Variants in PAN3 observed in about 807,000 individuals in gnomAD.
PAN3 encodes the protein PAN2-PAN3 deadenylation complex subunit PAN3.
In PAN3, 19 loss-of-function variants were observed where a neutral mutation model predicts 96.2. The observed-to-expected ratio is 0.20, with a 90% confidence interval of 0.14 to 0.29. The LOEUF is 0.29. Among genes scored for constraint, PAN3 ranks in the 10% least tolerant of loss-of-function variants. The pLI is 1.00. For synonymous variants in PAN3, 433 were observed against 406.6 expected, an observed-to-expected ratio of 1.06 and a Z score of -0.78; for missense variants, 882 against 1,108.1, an observed-to-expected ratio of 0.80 and a Z score of 2.90.
At chr13:28,185,360 C>G (rs1016880800) in intron 4 of PAN3, among the ~76,000 whole-genome samples, 2 of 152,038 alleles carry the variant, frequency 1.3e-5, no homozygotes, top group African/African-American at 4.8e-5. Flanking sequence ...AAAGAGTATT[C>G]GTGGTTGAGT....
chr13:28,237,655 T>C (rs1386122186), intron 6 of PAN3, among the ~76,000 whole-genome samples: 1 of 152,210 alleles, frequency 6.6e-6, no homozygotes. Context: ...TAGTATTTTA[T>C]TGAATATAAT....
intron 6 of PAN3, among the ~76,000 whole-genome samples, chr13:28,243,458 C>T (rs2138513705): frequency 6.6e-6 from 1 of 152,238 alleles, no homozygotes; most frequent in Middle Eastern, 3.4e-3. Context: ...TGTCTGTCTT[C>T]ATTTGAATTA....
chr13:28,138,928 G>A lies in PAN3; in HGVS notation c.271G>A (p.Ala91Thr). The A allele has an allele frequency of 7.4e-7, 1 of 1,358,678 alleles. No individual in the cohort carries two copies. The allele number at this position is 1,358,678 out of a possible 1,614,324, so 84.2% of individuals were successfully genotyped here. Reference sequence around the variant, plus strand: ...TAGCAACAGCGTCCCCCTGGCTCTGGCTGGTGCACCCGTGGCCGGCTTTCC... The same window carrying A: ...TAGCAACAGCGTCCCCCTGGCTCTGACTGGTGCACCCGTGGCCGGCTTTCC... ...LHSNSVPLALAGAPVAGFPPG... is the reference protein window; with the variant it reads ...LHSNSVPLALTGAPVAGFPPG... The change falls in exon 1 of 19, where the codon GCT becomes ACT. Residue 91 changes from alanine (A) to threonine (T), a missense_variant. Physicochemically the swap from Ala to Thr is moderately conservative, Grantham distance 58. Around this residue, in one of 3 missense-constraint regions of PAN3, gnomAD observed 442 missense variants for 422.8 expected, o/e 1.05. Transcript: ENST00000380958.
chr13:28,255,683 G>A (rs986871004), intron 6 of PAN3, among the ~76,000 whole-genome samples: 3 of 151,656 alleles, frequency 2.0e-5, no homozygotes, highest in African/African-American at 4.8e-5. Flanking sequence ...TGACAAAAAG[G>A]CATCAAAACA....
intron 5 of PAN3, among the ~76,000 whole-genome samples, chr13:28,203,928 C>A (rs777990001): frequency 1.3e-5 from 2 of 151,558 alleles, no homozygotes; most frequent in Non-Finnish European, 2.9e-5. Flanking sequence ...TTCAGCCTCC[C>A]GAGTAGCTGG....
chr13:28,257,291 G>A (rs1885223275), intron 7 of PAN3, among the ~76,000 whole-genome samples: 1 of 152,138 alleles, frequency 6.6e-6, no homozygotes, highest in African/African-American at 2.4e-5. Context: ...AATGAATGGG[G>A]AAGGAGAGGG....
At chr13:28,262,059 C>G (rs1324838918) in intron 9 of PAN3, among the ~76,000 whole-genome samples, 1 of 152,120 alleles carries the variant, frequency 6.6e-6, no homozygotes, top group African/African-American at 2.4e-5. Flanking sequence ...ATTTGTGAGA[C>G]TACTGTGTGC....
At chr13:28,161,798 T>C (rs1278420480) in intron 1 of PAN3, among the ~76,000 whole-genome samples, 1 of 152,236 alleles carries the variant, frequency 6.6e-6, no homozygotes, top group Non-Finnish European at 1.5e-5. Context: ...AGTTTGACTT[T>C]TTCCTTGGTT....
At chr13:28,205,359 T>C (rs932795731) in intron 5 of PAN3, among the ~76,000 whole-genome samples, 18 of 152,164 alleles carry the variant, frequency 1.2e-4, no homozygotes, top group Admixed American at 1.2e-3. Flanking sequence ...TGTTCACACA[T>C]CTCACCCTGG....
Position 28,288,107 on chromosome 13 carries a change from T to G in PAN3, c.2508T>G (p.Ile836Met). The G allele has an allele frequency of 6.2e-7, 1 of 1,603,932 alleles. No individual in the cohort carries two copies. The highest frequency in any genetic ancestry group is 1.1e-5 in the South Asian group (1 of 88,702). The change falls in exon 18 of 19, where the codon ATT (isoleucine) becomes ATG (methionine). Residue 836 changes from isoleucine (I) to methionine (M), a missense_variant. Ile to Met is a conservative substitution (Grantham distance 10). Coordinates refer to ENST00000380958, the MANE Select transcript of PAN3 (RefSeq NM_175854.8). ...CCTGGATTGACCTCAGTCATATAAT[T>G]TCTTGTCTTAACAAGGTAATTTGTA... ...GAPWIDLSHI[I>M]SCLNKLDAGV...
intron 6 of PAN3, among the ~76,000 whole-genome samples, chr13:28,246,882 G>C (rs146099934): frequency 2.0e-5 from 3 of 152,204 alleles, no homozygotes; most frequent in Non-Finnish European, 4.4e-5. Flanking sequence ...TGCAATAAAC[G>C]TGGGAATGTA....
intron 6 of PAN3, among the ~76,000 whole-genome samples, chr13:28,224,877 T>TGA (rs1356685211): frequency 2.6e-5 from 4 of 152,208 alleles, no homozygotes; most frequent in African/African-American, 7.2e-5. Flanking sequence ...CTCCTCAGTC[T>TGA]TTCAAAGTGC....
At chr13:28,194,220 C>T (rs1300590092) in intron 4 of PAN3, among the ~76,000 whole-genome samples, 5 of 150,640 alleles carry the variant, frequency 3.3e-5, no homozygotes, top group African/African-American at 4.9e-5. Flanking sequence ...ATCTGAATTA[C>T]GGAAGACCTT....
chr13:28,240,101 T>C (rs933351093), intron 6 of PAN3: 1 of 152,396 alleles, frequency 6.6e-6, no homozygotes, highest in African/African-American at 2.4e-5. Context: ...GTAGTAAATA[T>C]TTTGCTAGTT....
chr13:28,157,866 A>G (rs924849488), intron 1 of PAN3, among the ~76,000 whole-genome samples: 3 of 152,226 alleles, frequency 2.0e-5, no homozygotes, highest in African/African-American at 7.2e-5. Context: ...TGAAATTCAT[A>G]TGGAACCAAA....
intron 1 of PAN3, among the ~76,000 whole-genome samples, chr13:28,156,918 C>G (rs1872241965): frequency 1.5e-5 from 2 of 137,564 alleles, no homozygotes; most frequent in African/African-American, 5.5e-5. Context: ...TGGCTTGGGC[C>G]TGGGAGGCAG....
At chr13:28,252,267 G>GTTCATA (rs1884803050) in intron 6 of PAN3, among the ~76,000 whole-genome samples, 1 of 139,368 alleles carries the variant, frequency 7.2e-6, no homozygotes, top group Non-Finnish European at 1.5e-5. Flanking sequence ...AGTTCTGTGT[G>GTTCATA]TTCATAACAT....
chr13:28,148,525 A>G (rs976977588), intron 1 of PAN3, among the ~76,000 whole-genome samples: 5 of 152,220 alleles, frequency 3.3e-5, no homozygotes, highest in African/African-American at 1.2e-4. Flanking sequence ...TAGAAATGTA[A>G]TACATGCACA....
chr13:28,217,038 C>G (rs534943017), intron 5 of PAN3, among the ~76,000 whole-genome samples: 1 of 150,444 alleles, frequency 6.6e-6, no homozygotes, highest in African/African-American at 2.5e-5. Context: ...CACTTGAACC[C>G]GGGGGGCAGA....
Sources: gnomAD v4.1 joint callset for allele counts (sites outside exome capture counted in the v4.1 genomes callset) on GRCh38, gnomAD v4.1.1 for gene constraint, gnomAD v4.1.1 regional missense constraint, MANE v1.5 for transcripts, NCBI Gene and HGNC (gene_info 2026-07-23, HGNC 2026-07-21) for gene names.